LRRC4C: variants seen among roughly 807,000 people sequenced by gnomAD.
LRRC4C encodes leucine rich repeat containing 4C.
A neutral mutation model predicts 33.6 loss-of-function variants in LRRC4C; 5 were observed. The ratio of observed to expected loss-of-function variants is 0.15; its 90% CI spans 0.08 to 0.31. LRRC4C has a LOEUF of 0.31. Among genes scored for constraint, LRRC4C ranks in the 10% least tolerant of loss-of-function variants. The pLI, the probability that LRRC4C is intolerant of heterozygous loss-of-function variation, is 1.00. For missense variants in LRRC4C, 560 were observed against 796.7 expected (o/e 0.70, Z 3.58); for synonymous variants, 329 against 302.0 (o/e 1.09, Z -0.93).
At chr11:41,304,509 G>A (rs1163142577) in intron 1 of LRRC4C, among the ~76,000 whole-genome samples, 6 of 108,344 alleles carry the variant, frequency 5.5e-5, no homozygotes, top group Non-Finnish European at 7.8e-5. Context: ...CAGCCGCCCC[G>A]TCCGGGAGGG....
intron 3 of LRRC4C, among the ~76,000 whole-genome samples, chr11:40,381,954 G>A (rs1009005377): frequency 2.3e-5 from 2 of 85,914 alleles, no homozygotes; most frequent in East Asian, 3.6e-4. Flanking sequence ...ATCAGTCAGC[G>A]TTTTTTTTTT....
intron 1 of LRRC4C, among the ~76,000 whole-genome samples, chr11:41,456,077 T>C (rs189406552): frequency 1.3e-5 from 2 of 152,158 alleles, no homozygotes; most frequent in Admixed American, 1.3e-4. Context: ...TGAGAGGTTG[T>C]TCTGAAGTGA....
chr11:40,847,048 G>A (rs549568132), intron 2 of LRRC4C, among the ~76,000 whole-genome samples: 27 of 152,164 alleles, frequency 1.8e-4, no homozygotes, highest in African/African-American at 6.3e-4. Context: ...AAGGAGTTTG[G>A]GGGCTGAGAC....
At chr11:40,948,609 T>C (rs1164945507) in intron 1 of LRRC4C, among the ~76,000 whole-genome samples, 48 of 145,102 alleles carry the variant, frequency 3.3e-4, no homozygotes, top group Non-Finnish European at 6.0e-4. Flanking sequence ...TGAGTGAGAA[T>C]ATGCGGTGTT....
intron 1 of LRRC4C, among the ~76,000 whole-genome samples, chr11:41,101,685 G>A (rs927259810): frequency 6.6e-6 from 1 of 152,122 alleles, no homozygotes; most frequent in Non-Finnish European, 1.5e-5. Context: ...TTACCATGAA[G>A]ACACATGCAC....
At chr11:40,286,115 C>A (rs1420590414) in intron 4 of LRRC4C, among the ~76,000 whole-genome samples, 1 of 152,098 alleles carries the variant, frequency 6.6e-6, no homozygotes, top group Non-Finnish European at 1.5e-5. Context: ...CAAGTGGATG[C>A]CTGAAAACAC....
chr11:40,936,065 T>TATATATAA lies in LRRC4C; in HGVS notation c.-495-2343_-495-2342insTTATATAT, dbSNP rs1555008817. 8.8e-3 allele frequency among the ~76,000 whole-genome samples: 666 copies of TATATATAA among 75,780 alleles called. 115 individuals are homozygous for TATATATAA. Among genetic ancestry groups the TATATATAA allele is most frequent in the Non-Finnish European group, 0.015 (527 of 36,108 alleles). 49.7% of individuals were successfully genotyped at this position (75,780 alleles called of 152,430 possible). A position where few individuals can be genotyped will look rare whatever the true frequency, so the allele number is the denominator to read the frequency against. On this transcript the variant is annotated intron_variant, in intron 1 of 6. Coordinates refer to ENST00000528697, the MANE Select transcript of LRRC4C (RefSeq NM_001258419.2). Reference sequence around the variant, plus strand: ...ATATATATATATATATATATATATATAACATAGTTTGAACCTTAACTCTGT... The same window carrying TATATATAA: ...ATATATATATATATATATATATATATATATATAAAACATAGTTTGAACCTTAACTCTGT...
At chr11:40,640,656 AT>A (rs567695416) in intron 3 of LRRC4C, among the ~76,000 whole-genome samples, 1 of 152,166 alleles carries the variant, frequency 6.6e-6, no homozygotes, top group African/African-American at 2.4e-5. Context: ...ACCAATATAT[AT>A]TTTTAAATGA....
chr11:41,429,315 G>A (rs796066296), intron 1 of LRRC4C, among the ~76,000 whole-genome samples: 4 of 152,232 alleles, frequency 2.6e-5, no homozygotes, highest in African/African-American at 9.6e-5. Flanking sequence ...AAATTATCCA[G>A]TATTGGGTAT....
At chr11:40,330,340 CAT>C (rs1171845967) in intron 3 of LRRC4C, among the ~76,000 whole-genome samples, 15 of 152,042 alleles carry the variant, frequency 9.9e-5, no homozygotes, top group African/African-American at 3.6e-4. Context: ...TTTTAATTAA[CAT>C]ATAATAATTG....
chr11:40,133,437 C>T (rs1322218220), intron 6 of LRRC4C, among the ~76,000 whole-genome samples: 1 of 152,102 alleles, frequency 6.6e-6, no homozygotes, highest in East Asian at 1.9e-4. Context: ...TAGAGAGTAA[C>T]CAAAAACATA....
intron 4 of LRRC4C, among the ~76,000 whole-genome samples, chr11:40,260,599 A>G (rs894141186): frequency 2.0e-5 from 3 of 152,130 alleles, no homozygotes; most frequent in African/African-American, 7.2e-5. Context: ...TGTCCCGTTT[A>G]CCACTTAGGT....
At chr11:41,348,423 C>T (rs897459994) in intron 1 of LRRC4C, among the ~76,000 whole-genome samples, 2 of 151,968 alleles carry the variant, frequency 1.3e-5, no homozygotes, top group African/African-American at 2.4e-5. Flanking sequence ...TAGAGTTGTG[C>T]TGTCTACCAG....
At chr11:40,330,378 T>C (rs1238150555) in intron 3 of LRRC4C, among the ~76,000 whole-genome samples, 1 of 152,210 alleles carries the variant, frequency 6.6e-6, no homozygotes, top group African/African-American at 2.4e-5. Context: ...TACAGGGTGA[T>C]ATTTTGATGC....
At chr11:40,696,835 T>C (rs1372663932) in intron 2 of LRRC4C, among the ~76,000 whole-genome samples, 2 of 149,528 alleles carry the variant, frequency 1.3e-5, no homozygotes, top group African/African-American at 4.9e-5. Flanking sequence ...ACAAGCAGTC[T>C]AAGAAATAGA....
intron 1 of LRRC4C, among the ~76,000 whole-genome samples, chr11:41,023,055 G>A (rs1295219292): frequency 2.0e-5 from 3 of 151,788 alleles, no homozygotes; most frequent in Non-Finnish European, 4.4e-5. Context: ...GCTATGTAAA[G>A]CCTAAAGCAC....
chr11:40,163,687 T>C, intron 5 of LRRC4C, among the ~76,000 whole-genome samples: 1 of 152,166 alleles, frequency 6.6e-6, no homozygotes, highest in East Asian at 1.9e-4. Context: ...GTATGGTACC[T>C]GGTTAGAAAT....
chr11:40,814,384 G>A (rs564283264), intron 2 of LRRC4C, among the ~76,000 whole-genome samples: 6 of 152,114 alleles, frequency 3.9e-5, no homozygotes, highest in East Asian at 2.0e-4. Context: ...TGGCTGGGAC[G>A]CAGGGCACCA....
intron 5 of LRRC4C, among the ~76,000 whole-genome samples, chr11:40,202,818 ATTCACTGCTTT>A (rs1250280161): frequency 6.6e-6 from 1 of 152,152 alleles, no homozygotes; most frequent in Non-Finnish European, 1.5e-5. Context: ...TGTTAGGCAA[ATTCACTGCTTT>A]ACTCCAGGAG....
Sources: allele counts gnomAD v4.1 joint callset (sites outside exome capture counted in the v4.1 genomes callset), GRCh38; gene constraint gnomAD v4.1.1; transcripts MANE v1.5; gene names NCBI Gene and HGNC (gene_info 2026-07-23, HGNC 2026-07-21).